MECOM: variants seen among roughly 807,000 people sequenced by gnomAD.
The protein encoded by MECOM is MDS1 and EVI1 complex locus, also known as histone-lysine N-methyltransferase MECOM.
In MECOM, 13 loss-of-function variants were observed where a neutral mutation model predicts 116.3. The observed-to-expected ratio is 0.11, with a 90% confidence interval of 0.07 to 0.18. The LOEUF is 0.18. Among genes scored for constraint, MECOM ranks in the 10% least tolerant of loss-of-function variants. The pLI, the probability that MECOM is intolerant of heterozygous loss-of-function variation, is 1.00. For synonymous variants in MECOM, 528 were observed against 535.2 expected, an observed-to-expected ratio of 0.99 and a Z score of 0.19; for missense variants, 1,299 against 1,509.0, an observed-to-expected ratio of 0.86 and a Z score of 2.31.
intron 2 of MECOM, among the ~76,000 whole-genome samples, chr3:169,162,650 T>A (rs955674920): frequency 2.6e-5 from 4 of 152,180 alleles, no homozygotes; most frequent in Admixed American, 6.5e-5. Context: ...TGTAAAATCA[T>A]CCTCACGTAA....
intron 2 of MECOM, among the ~76,000 whole-genome samples, chr3:169,273,352 G>A (rs1433675999): frequency 2.2e-4 from 34 of 152,184 alleles, no homozygotes; most frequent in Admixed American, 2.2e-3. Flanking sequence ...CTGTGTAGGA[G>A]CACTTTACCA....
chr3:169,246,598 A>G (rs1427842534), intron 2 of MECOM, among the ~76,000 whole-genome samples: 5 of 143,098 alleles, frequency 3.5e-5, no homozygotes, highest in African/African-American at 1.3e-4. Context: ...GCACGATCTC[A>G]GCTCACTGCA....
In MECOM at chr3:169,267,210, C is replaced by T. The variant is rs538895702; in HGVS notation, c.375+113977G>A. Reference sequence around the variant, plus strand: ...GTTCCTGAGAACATCATGGGGCTGCCATACCAGCAGTTGCCTGCCAGTCTT... The same window carrying T: ...GTTCCTGAGAACATCATGGGGCTGCTATACCAGCAGTTGCCTGCCAGTCTT... On this transcript the variant is annotated intron_variant, in intron 2 of 16. Coordinates refer to ENST00000651503, the MANE Select transcript of MECOM (RefSeq NM_004991.4). Among the ~76,000 whole-genome samples, 5 of 152,336 alleles carry T rather than the reference C, an allele frequency of 3.3e-5. No homozygotes were observed. In the South Asian group the frequency reaches 1.0e-3, roughly 32 times the overall value.
At chr3:169,273,082 C>T (rs1759144440) in intron 2 of MECOM, among the ~76,000 whole-genome samples, 1 of 152,118 alleles carries the variant, frequency 6.6e-6, no homozygotes, top group African/African-American at 2.4e-5. Flanking sequence ...AATTGAGATA[C>T]TTTCCAAGGA....
At chr3:169,230,625 TCTGCTCTGAAAGAA>T (rs1420722669) in intron 2 of MECOM, among the ~76,000 whole-genome samples, 2 of 152,176 alleles carry the variant, frequency 1.3e-5, no homozygotes, top group African/African-American at 4.8e-5. Flanking sequence ...ATGGTTTAAT[TCTGCTCTGAAAGAA>T]CCCACAGCAG....
At chr3:169,185,516 G>A (rs1746591399) in intron 2 of MECOM, among the ~76,000 whole-genome samples, 1 of 152,180 alleles carries the variant, frequency 6.6e-6, no homozygotes, top group Non-Finnish European at 1.5e-5. Context: ...GGAAATTGAG[G>A]AGATAGAGAC....
chr3:169,398,066 C>A (rs957186586), intron 1 of MECOM, among the ~76,000 whole-genome samples: 1 of 152,088 alleles, frequency 6.6e-6, no homozygotes, highest in African/African-American at 2.4e-5. Flanking sequence ...CTGGGATGAG[C>A]TTTGATAAAT....
chr3:169,606,960 T>C (rs537207325), intron 1 of MECOM, among the ~76,000 whole-genome samples: 3 of 152,310 alleles, frequency 2.0e-5, no homozygotes, highest in Admixed American at 6.5e-5. Flanking sequence ...GCCATATGCC[T>C]CAGTATAGCT....
At chr3:169,504,289 A>G (rs1462137752) in intron 1 of MECOM, among the ~76,000 whole-genome samples, 5 of 151,418 alleles carry the variant, frequency 3.3e-5, no homozygotes, top group Non-Finnish European at 7.4e-5. Context: ...TTATTAGGCT[A>G]CATCACTTCA....
intron 2 of MECOM, among the ~76,000 whole-genome samples, chr3:169,290,890 T>G (rs1714416298): frequency 6.6e-6 from 1 of 152,164 alleles, no homozygotes; most frequent in African/African-American, 2.4e-5. Context: ...TCATGTTTCA[T>G]TCTCATGAAA....
chr3:169,136,686 C>A (rs1017319511), intron 3 of MECOM, among the ~76,000 whole-genome samples: 17 of 151,874 alleles, frequency 1.1e-4, no homozygotes, highest in African/African-American at 3.4e-4. Context: ...TACTAGAGAA[C>A]AAAAATCTGG....
At chr3:169,160,967 A>G (rs1430342220) in intron 2 of MECOM, among the ~76,000 whole-genome samples, 1 of 152,240 alleles carries the variant, frequency 6.6e-6, no homozygotes, top group East Asian at 1.9e-4. Context: ...ACGCTGTTCA[A>G]TTTTGGGTGC....
At chr3:169,327,513 C>T (rs572257526) in intron 2 of MECOM, among the ~76,000 whole-genome samples, 48 of 151,756 alleles carry the variant, frequency 3.2e-4, no homozygotes, top group Non-Finnish European at 2.8e-4. Flanking sequence ...TGGCACATGC[C>T]TGTAGTCTCA....
At chr3:169,159,338 T>C (rs1014007276) in intron 2 of MECOM, among the ~76,000 whole-genome samples, 1 of 152,110 alleles carries the variant, frequency 6.6e-6, no homozygotes, top group Non-Finnish European at 1.5e-5. Context: ...GGTGGGCAGA[T>C]CACGAGGTCA....
chr3:169,475,517 T>A (rs1375706084), intron 1 of MECOM, among the ~76,000 whole-genome samples: 3 of 151,996 alleles, frequency 2.0e-5, no homozygotes, highest in African/African-American at 7.2e-5. Flanking sequence ...TTTCTTTTAA[T>A]GGACACATGG....
intron 1 of MECOM, among the ~76,000 whole-genome samples, chr3:169,517,851 A>G (rs1756834775): frequency 6.6e-6 from 1 of 152,248 alleles, no homozygotes; most frequent in South Asian, 2.1e-4. Flanking sequence ...AAAGAGAGAA[A>G]AAATAAGTAA....
At chr3:169,506,485 C>T (rs975826899) in intron 1 of MECOM, among the ~76,000 whole-genome samples, 31 of 126,478 alleles carry the variant, frequency 2.5e-4, no homozygotes, top group African/African-American at 9.1e-4. Flanking sequence ...TTAAAGAAAG[C>T]GCTTTAAAGT....
intron 2 of MECOM, among the ~76,000 whole-genome samples, chr3:169,280,387 T>C (rs1711671881): frequency 6.6e-6 from 1 of 152,224 alleles, no homozygotes. Flanking sequence ...ATTGTAGTTA[T>C]ATCAGGCATC....
intron 14 of MECOM, among the ~76,000 whole-genome samples, chr3:169,091,553 A>G (rs897440200): frequency 6.6e-6 from 1 of 152,062 alleles, no homozygotes; most frequent in South Asian, 2.1e-4. Flanking sequence ...TAAGATCGTC[A>G]CTGTTTCTTG....
Sources: allele counts gnomAD v4.1 joint callset (sites outside exome capture counted in the v4.1 genomes callset), GRCh38; gene constraint gnomAD v4.1.1; transcripts MANE v1.5; gene names NCBI Gene and HGNC (gene_info 2026-07-23, HGNC 2026-07-21).